TCF7L1: variants seen among roughly 807,000 people sequenced by gnomAD.
TCF7L1 encodes transcription factor 7 like 1, also known as transcription factor 7-like 1.
TCF7L1 carries 18 observed loss-of-function variants against 63.7 expected under a neutral mutation model. That is an observed-to-expected ratio of 0.28 (90% CI 0.20 to 0.42). The LOEUF is 0.42. Ranked by LOEUF, TCF7L1 falls within the 10% of genes least tolerant of loss-of-function variation. The pLI, the probability that TCF7L1 is intolerant of heterozygous loss-of-function variation, is 1.00. For synonymous variants in TCF7L1, 355 were observed against 340.9 expected (o/e 1.04, Z -0.46); for missense variants, 654 against 779.3 (o/e 0.84, Z 1.91).
chr2:85,206,907 A>G (rs1679422147), intron 3 of TCF7L1, among the ~76,000 whole-genome samples: 1 of 152,250 alleles, frequency 6.6e-6, no homozygotes, highest in Admixed American at 6.5e-5. Context: ...TACACATTAA[A>G]TCATTCTCCT....
intron 3 of TCF7L1, among the ~76,000 whole-genome samples, chr2:85,220,259 GA>G (rs887971624): frequency 2.6e-5 from 4 of 151,210 alleles, no homozygotes; most frequent in Admixed American, 6.6e-5. Context: ...ATTTCTTTAA[GA>G]AAAAAAAGAG....
At chr2:85,149,412 TA>T (rs766758430) in intron 3 of TCF7L1, among the ~76,000 whole-genome samples, 2 of 152,076 alleles carry the variant, frequency 1.3e-5, no homozygotes, top group Non-Finnish European at 2.9e-5. Context: ...AGCAGTATAG[TA>T]TATAAATATA....
rs1558611721 is a variant in TCF7L1 at position 85,134,106 on chromosome 2, A to G, written c.313+27A>G. 8 of 1,603,790 alleles carry G rather than the reference A, an allele frequency of 5.0e-6. No homozygotes were observed. The highest frequency in any genetic ancestry group is 1.1e-5 in the South Asian group (1 of 89,868). ...TATGTGCCCGCTGGGACAGCCCCCCACTCTCGATTCCCGCTGCGCTCCGCT... is the reference window on the plus strand; with the variant it reads ...TATGTGCCCGCTGGGACAGCCCCCCGCTCTCGATTCCCGCTGCGCTCCGCT... On this transcript the variant is annotated intron_variant, in intron 2 of 11. Transcript: ENST00000282111. The surrounding 1 kb of genome is among the most constrained non-coding windows in gnomAD (Gnocchi z 5.0).
intron 3 of TCF7L1, among the ~76,000 whole-genome samples, chr2:85,249,309 G>A (rs576627933): frequency 1.3e-5 from 2 of 152,184 alleles, no homozygotes; most frequent in Non-Finnish European, 2.9e-5. Context: ...TGTGGGCCCC[G>A]ATTCTCGTGC....
intron 3 of TCF7L1, among the ~76,000 whole-genome samples, chr2:85,152,349 G>A (rs1217949095): frequency 6.6e-6 from 1 of 152,004 alleles, no homozygotes; most frequent in African/African-American, 2.4e-5. Flanking sequence ...GTTCTGTAGC[G>A]ACTAGAGGTA....
At chr2:85,277,391 G>A (rs1681299682) in intron 3 of TCF7L1, among the ~76,000 whole-genome samples, 1 of 152,140 alleles carries the variant, frequency 6.6e-6, no homozygotes, top group Non-Finnish European at 1.5e-5. Flanking sequence ...TTGTCACTGT[G>A]GTGGGAAGCC....
At chr2:85,303,566 C>T (rs926293134) in intron 5 of TCF7L1, 8 of 250,776 alleles carry the variant, frequency 3.2e-5, no homozygotes, top group Admixed American at 5.5e-5. Context: ...AGACTTGGTT[C>T]ACCAGTGACT....
At chr2:85,203,668 G>A (rs917465036) in intron 3 of TCF7L1, among the ~76,000 whole-genome samples, 11 of 151,816 alleles carry the variant, frequency 7.2e-5, no homozygotes, top group African/African-American at 2.4e-4. Flanking sequence ...GGTCGAGGCT[G>A]CAGTGAGCCA....
At position 85,272,236 on chromosome 2, in the gene TCF7L1, G is replaced by A. The variant is rs543905685; in HGVS notation, c.442-11259G>A. On this transcript the variant is annotated intron_variant, in intron 3 of 11. Coordinates refer to ENST00000282111, the MANE Select transcript of TCF7L1 (RefSeq NM_031283.3). ...CTAAAGTCATTAAAGTGGATTTTGA[G>A]GTTTCTGGTTAGGTACACTGAAGGC... Among the ~76,000 whole-genome samples the A allele has an allele frequency of 2.6e-5, 4 of 152,250 alleles. No individual in the cohort carries two copies. The South Asian group carries it at 8.3e-4, about 32-fold the overall frequency.
chr2:85,138,057 A>G (rs777285334), intron 3 of TCF7L1, among the ~76,000 whole-genome samples: 4 of 152,138 alleles, frequency 2.6e-5, no homozygotes, highest in Non-Finnish European at 5.9e-5. Context: ...CCATGAAGTG[A>G]GGGCTGATGA....
chr2:85,284,518 A>G (rs1364262274), intron 4 of TCF7L1, among the ~76,000 whole-genome samples: 1 of 152,170 alleles, frequency 6.6e-6, no homozygotes, highest in African/African-American at 2.4e-5. Flanking sequence ...TGAAACCCAA[A>G]GCTGATAAGA....
chr2:85,134,195 A>C lies in TCF7L1; in HGVS notation c.313+116A>C. On this transcript the variant is annotated intron_variant, in intron 2 of 11. Coordinates refer to ENST00000282111, the MANE Select transcript of TCF7L1 (RefSeq NM_031283.3). This position sits in a 1 kb window ranked among gnomAD's most constrained non-coding sequence, Gnocchi z 5.0. ...GGACGCACCCTTGCCCTCCGCCTTT[A>C]TTGGCGGCAGCCCCCGTGGGGCGCG... 1 of 1,494,258 alleles carries C rather than the reference A, an allele frequency of 6.7e-7. No individual in the cohort carries two copies. Among genetic ancestry groups the C allele is most frequent in the Non-Finnish European group, 8.9e-7 (1 of 1,118,550 alleles). The allele number at this position is 1,494,258 out of a possible 1,614,324, so 92.6% of individuals were successfully genotyped here. A position where few individuals can be genotyped will look rare whatever the true frequency, so the allele number is the denominator to read the frequency against.
chr2:85,303,123 C>T lies in TCF7L1; in HGVS notation c.658+507C>T, dbSNP rs530080917. On this transcript the variant is annotated intron_variant, in intron 5 of 11. Transcript: ENST00000282111. Reference sequence around the variant, plus strand: ...TCAGCTCACTGCAGCCTTGACCTCCCGGGCTCAAGCAGTCCTCCTCCCTCA... The same window carrying T: ...TCAGCTCACTGCAGCCTTGACCTCCTGGGCTCAAGCAGTCCTCCTCCCTCA... Among the ~76,000 whole-genome samples, 189 of 152,276 alleles carry T rather than the reference C, an allele frequency of 1.2e-3. 1 individual carries two copies. The highest frequency in any genetic ancestry group is 7.9e-3 in the South Asian group (38 of 4,822).
chr2:85,162,717 C>T (rs56309234), intron 3 of TCF7L1, among the ~76,000 whole-genome samples: 3,926 of 152,146 alleles, frequency 0.026, 75 homozygotes, highest in Non-Finnish European at 0.038. Flanking sequence ...AGTTGTGGTA[C>T]GCCCCGTTTT....
Position 85,283,708 on chromosome 2 carries a change from G to A in TCF7L1, c.525+130G>A, listed in dbSNP as rs529943677. 1.7e-4 allele frequency: 169 copies of A among 991,168 alleles called. No homozygotes were observed. The African/African-American group carries it at 2.6e-3, about 15-fold the overall frequency. 61.4% of individuals were successfully genotyped at this position (991,168 alleles called of 1,614,324 possible). On this transcript the variant is annotated intron_variant, in intron 4 of 11. Transcript: ENST00000282111. ...TTCCTCAAATGTGTGAGTACAGTGA[G>A]GAAGAGCTGAGTGCTTGGGGCTAAC...
At position 85,133,962 on chromosome 2, in the gene TCF7L1, G is replaced by C. The variant is rs369348998; in HGVS notation, c.249+29G>C. 137 of 1,578,450 alleles carry C rather than the reference G, an allele frequency of 8.7e-5. No homozygotes were observed. The highest frequency in any genetic ancestry group is 1.1e-4 in the Non-Finnish European group (123 of 1,160,600). On this transcript the variant is annotated intron_variant, in intron 1 of 11. Transcript: ENST00000282111. The surrounding 1 kb of genome is among the most constrained non-coding windows in gnomAD (Gnocchi z 4.4). ...AGGAAGCACCGCGGCCACCCCCGGG[G>C]GATCCCGGCCCTGCGTCCGCTCACC...
chr2:85,154,953 A>C (rs1416007803), intron 3 of TCF7L1, among the ~76,000 whole-genome samples: 1 of 152,050 alleles, frequency 6.6e-6, no homozygotes, highest in Non-Finnish European at 1.5e-5. Context: ...AGTAGCTGGG[A>C]CTACAGGTGC....
intron 4 of TCF7L1, among the ~76,000 whole-genome samples, chr2:85,287,783 G>A (rs150713477): frequency 2.0e-5 from 3 of 152,266 alleles, no homozygotes; most frequent in Non-Finnish European, 4.4e-5. Context: ...AGGTGTGTAC[G>A]TGCAGGAGCA....
At chr2:85,303,503 T>C (rs2104388137) in intron 5 of TCF7L1, 1 of 170,050 alleles carries the variant, frequency 5.9e-6, no homozygotes, top group Non-Finnish European at 1.2e-5. Flanking sequence ...GGAAGACACA[T>C]GTGGAGGAGG....
Sources: allele counts gnomAD v4.1 joint callset (sites outside exome capture counted in the v4.1 genomes callset), GRCh38; gene constraint gnomAD v4.1.1; non-coding constraint Gnocchi (gnomAD v3.1); transcripts MANE v1.5; gene names NCBI Gene and HGNC (gene_info 2026-07-23, HGNC 2026-07-21).